SPMIP7: variants seen among roughly 807,000 people sequenced by gnomAD.
The protein encoded by SPMIP7 is protein SPMIP7.
chr7:50,143,910 G>A, the SPMIP7 span, among the ~76,000 whole-genome samples: 13 of 152,092 alleles, frequency 8.5e-5, no homozygotes, highest in African/African-American at 3.1e-4. Context: ...GTTTTTATGA[G>A]CTTATCATAG....
chr7:50,148,269 A>G, the SPMIP7 span, among the ~76,000 whole-genome samples: 1 of 152,196 alleles, frequency 6.6e-6, no homozygotes, highest in Non-Finnish European at 1.5e-5. Flanking sequence ...TAATCAGTCT[A>G]ATCTTCCATG....
At chr7:50,147,734 T>C in the SPMIP7 span, among the ~76,000 whole-genome samples, 1 of 152,230 alleles carries the variant, frequency 6.6e-6, no homozygotes, top group Non-Finnish European at 1.5e-5. Flanking sequence ...TTCTATTTTA[T>C]CATGTTTGGT....
the SPMIP7 span, among the ~76,000 whole-genome samples, chr7:50,137,247 CTATA>C: frequency 6.6e-6 from 1 of 151,920 alleles, no homozygotes; most frequent in Non-Finnish European, 1.5e-5. Context: ...CACAAAGTAA[CTATA>C]TAATACAAAA....
the SPMIP7 span, among the ~76,000 whole-genome samples, chr7:50,148,586 G>T: frequency 1.3e-5 from 2 of 152,194 alleles, no homozygotes; most frequent in African/African-American, 4.8e-5. Flanking sequence ...ATGAATGGTT[G>T]GGGGAGAGAC....
the SPMIP7 span, among the ~76,000 whole-genome samples, chr7:50,125,319 C>CACAT: frequency 2.9e-5 from 1 of 34,556 alleles, no homozygotes; most frequent in Non-Finnish European, 4.9e-5. Flanking sequence ...CCCATATATA[C>CACAT]ATATATACAC....
the SPMIP7 span, among the ~76,000 whole-genome samples, chr7:50,130,720 G>T: frequency 2.0e-5 from 3 of 152,052 alleles, no homozygotes; most frequent in African/African-American, 4.8e-5. Context: ...GTGTGGGGAG[G>T]CCTCCCCAGG....
chr7:50,121,030 T>C, the SPMIP7 span, among the ~76,000 whole-genome samples: 2 of 152,212 alleles, frequency 1.3e-5, no homozygotes, highest in African/African-American at 2.4e-5. Context: ...CCCTCCTGTG[T>C]TATATCCCTT....
the SPMIP7 span, among the ~76,000 whole-genome samples, chr7:50,146,354 C>T: frequency 6.6e-6 from 1 of 152,218 alleles, no homozygotes; most frequent in Admixed American, 6.5e-5. Context: ...CTTGCCTTAA[C>T]TCACATTAAA....
chr7:50,113,454 G>T, the SPMIP7 span, among the ~76,000 whole-genome samples: 1 of 152,122 alleles, frequency 6.6e-6, no homozygotes, highest in Non-Finnish European at 1.5e-5. Flanking sequence ...CATATGTTCA[G>T]ATCATAGAGA....
At chr7:50,096,694 G>T in the SPMIP7 span, 1 of 1,322,816 alleles carries the variant, frequency 7.6e-7, no homozygotes, top group South Asian at 1.9e-5. Context: ...AAGAGAGTAT[G>T]GACATAAGAT....
the SPMIP7 span, among the ~76,000 whole-genome samples, chr7:50,120,780 G>A: frequency 6.6e-6 from 1 of 152,032 alleles, no homozygotes; most frequent in Non-Finnish European, 1.5e-5. Flanking sequence ...GATATTACCA[G>A]GCTAACTACA....
chr7:50,115,819 A>AT, the SPMIP7 span, among the ~76,000 whole-genome samples: 2 of 152,250 alleles, frequency 1.3e-5, no homozygotes, highest in Non-Finnish European at 2.9e-5. Context: ...AAGGATTGAC[A>AT]TTATCCTTAA....
chr7:50,145,302 T>C, the SPMIP7 span, among the ~76,000 whole-genome samples: 1 of 151,368 alleles, frequency 6.6e-6, no homozygotes. Context: ...AATCTGTTGT[T>C]TTTATCCTCT....
chr7:50,120,271 G>A, the SPMIP7 span: 1 of 152,178 alleles, frequency 6.6e-6, no homozygotes, highest in Admixed American at 6.6e-5. Flanking sequence ...GTTCCTGGAT[G>A]CTCACTCTTG....
chr7:50,155,015 G>T, the SPMIP7 span, among the ~76,000 whole-genome samples: 7 of 152,138 alleles, frequency 4.6e-5, no homozygotes, highest in African/African-American at 1.7e-4. Context: ...CAGGTCCTTT[G>T]CCCATTTTTT....
the SPMIP7 span, among the ~76,000 whole-genome samples, chr7:50,098,461 T>C: frequency 1.3e-5 from 2 of 152,202 alleles, no homozygotes; most frequent in Non-Finnish European, 2.9e-5. Flanking sequence ...CTGATATCAA[T>C]ATTGATACCA....
chr7:50,155,056 G>A, the SPMIP7 span, among the ~76,000 whole-genome samples: 1 of 152,136 alleles, frequency 6.6e-6, no homozygotes, highest in Non-Finnish European at 1.5e-5. Flanking sequence ...TTGCTATTGA[G>A]TTGTATGAGT....
chr7:50,101,812 T>C, the SPMIP7 span, among the ~76,000 whole-genome samples: 1 of 152,228 alleles, frequency 6.6e-6, no homozygotes, highest in South Asian at 2.1e-4. Flanking sequence ...ATCATCCTCA[T>C]GGTTCTTAAA....
chr7:50,127,313 A>G, the SPMIP7 span, among the ~76,000 whole-genome samples: 1 of 152,040 alleles, frequency 6.6e-6, no homozygotes, highest in East Asian at 1.9e-4. Context: ...ATTAGAAAAA[A>G]GTCATGAGGA....
Sources: allele counts gnomAD v4.1 joint callset (sites outside exome capture counted in the v4.1 genomes callset), GRCh38; gene constraint gnomAD v4.1.1; transcripts MANE v1.5; gene names NCBI Gene and HGNC (gene_info 2026-07-23, HGNC 2026-07-21).